The following PLPPR1 variants were observed in gnomAD, a reference collection of about 807,000 sequenced individuals.
PLPPR1 encodes phospholipid phosphatase-related protein type 1.
Under a neutral mutation model 33.1 loss-of-function variants are expected in PLPPR1, and 10 were observed. The ratio of observed to expected loss-of-function variants is 0.30; its 90% CI spans 0.19 to 0.51. The LOEUF is 0.51. PLPPR1 is among the 20% of genes least tolerant of loss of function. The probability of loss-of-function intolerance (pLI) is 0.97; values close to 1 mark genes in which losing one functional copy is unlikely to be tolerated. For missense variants in PLPPR1, 304 were observed against 408.1 expected (o/e 0.74, Z 2.20); for synonymous variants, 151 against 151.0 (o/e 1.00, Z 0.00).
chr9:101,076,468 A>T (rs1328901768), intron 1 of PLPPR1, among the ~76,000 whole-genome samples: 1 of 152,102 alleles, frequency 6.6e-6, no homozygotes. Context: ...GCTGAGCTCT[A>T]TTTGCTTTTA....
chr9:101,252,946 C>G (rs1250549545), intron 2 of PLPPR1, among the ~76,000 whole-genome samples: 1 of 151,852 alleles, frequency 6.6e-6, no homozygotes, highest in Non-Finnish European at 1.5e-5. Context: ...TTTTCATTAC[C>G]TAAGTCCCTA....
At chr9:101,048,805 A>G (rs565925911) in intron 1 of PLPPR1, among the ~76,000 whole-genome samples, 1 of 152,376 alleles carries the variant, frequency 6.6e-6, no homozygotes, top group African/African-American at 2.4e-5. Flanking sequence ...ACTAGTACCC[A>G]TAGGCAATGA....
chr9:101,099,286 C>A lies in PLPPR1; in HGVS notation c.-46+70184C>A, dbSNP rs56362735. Among the ~76,000 whole-genome samples the A allele has an allele frequency of 4.0e-3, 607 of 152,248 alleles. 3 individuals are homozygous for A. The highest frequency in any genetic ancestry group is 0.013 in the African/African-American group (552 of 41,546). Reference sequence around the variant, plus strand: ...TTCTAATGTCCCTCCTAGCCCAGCACTGTTTGTCTGCGTCTGTTTCCCTTT... The same window carrying A: ...TTCTAATGTCCCTCCTAGCCCAGCAATGTTTGTCTGCGTCTGTTTCCCTTT... On this transcript the variant is annotated intron_variant, in intron 1 of 7. Coordinates refer to ENST00000374874, the MANE Select transcript of PLPPR1 (RefSeq NM_207299.2).
intron 2 of PLPPR1, among the ~76,000 whole-genome samples, chr9:101,207,641 G>A (rs72741474): frequency 0.04 from 6,079 of 152,166 alleles, 119 homozygotes; most frequent in Middle Eastern, 0.068. Context: ...CCCATTCACC[G>A]TGGAAAACAA....
At position 101,042,539 on chromosome 9, in the gene PLPPR1, T is replaced by C. The variant is rs1449069797; in HGVS notation, c.-46+13437T>C. Among the ~76,000 whole-genome samples the C allele has an allele frequency of 1.1e-4, 17 of 152,296 alleles. 1 individual carries two copies. In the South Asian group the frequency reaches 3.3e-3, roughly 30 times the overall value. ...ACACCATCCTGATAATAATGATGGGTTACCTGCCAAGGTAGATTCACCTTT... is the reference window on the plus strand; with the variant it reads ...ACACCATCCTGATAATAATGATGGGCTACCTGCCAAGGTAGATTCACCTTT... On this transcript the variant is annotated intron_variant, in intron 1 of 7. Coordinates refer to ENST00000374874, the MANE Select transcript of PLPPR1 (RefSeq NM_207299.2).
chr9:101,298,558 A>G (rs988627359), intron 4 of PLPPR1, among the ~76,000 whole-genome samples: 1 of 152,220 alleles, frequency 6.6e-6, no homozygotes, highest in African/African-American at 2.4e-5. Flanking sequence ...GTACTTTATC[A>G]GAAAAAGACT....
intron 1 of PLPPR1, among the ~76,000 whole-genome samples, chr9:101,111,302 G>A (rs1831053139): frequency 6.6e-6 from 1 of 152,128 alleles, no homozygotes; most frequent in African/African-American, 2.4e-5. Context: ...TTCCTGCTAA[G>A]GGTAAATCAA....
chr9:101,218,749 T>C (rs1826859537), intron 2 of PLPPR1, among the ~76,000 whole-genome samples: 1 of 152,206 alleles, frequency 6.6e-6, no homozygotes. Context: ...TTTTAAAATG[T>C]AATGATTAAG....
intron 1 of PLPPR1, among the ~76,000 whole-genome samples, chr9:101,070,255 T>TAG (rs1313226088): frequency 6.6e-6 from 1 of 152,120 alleles, no homozygotes; most frequent in African/African-American, 2.4e-5. Flanking sequence ...CCTCATTTAT[T>TAG]TACTTAGTCA....
intron 1 of PLPPR1, among the ~76,000 whole-genome samples, chr9:101,089,153 T>C (rs999397243): frequency 2.0e-5 from 3 of 152,150 alleles, no homozygotes; most frequent in African/African-American, 7.2e-5. Context: ...TAATATGTGT[T>C]AAATCAGTTT....
intron 1 of PLPPR1, among the ~76,000 whole-genome samples, chr9:101,130,608 C>A (rs1434038521): frequency 6.6e-6 from 1 of 152,128 alleles, no homozygotes; most frequent in Non-Finnish European, 1.5e-5. Context: ...GATTTTAATT[C>A]TGCTGATTCC....
At chr9:101,148,832 TTTTCCCA>T (rs1831550766) in intron 1 of PLPPR1, among the ~76,000 whole-genome samples, 1 of 152,080 alleles carries the variant, frequency 6.6e-6, no homozygotes, top group African/African-American at 2.4e-5. Flanking sequence ...TATTTAGAAT[TTTTCCCA>T]TTTCTTTGCC....
At chr9:101,208,848 C>T (rs1826634884) in intron 2 of PLPPR1, among the ~76,000 whole-genome samples, 1 of 152,158 alleles carries the variant, frequency 6.6e-6, no homozygotes, top group South Asian at 2.1e-4. Flanking sequence ...TTTAGTGCTT[C>T]CCACCTTTGG....
intron 4 of PLPPR1, among the ~76,000 whole-genome samples, chr9:101,299,178 C>T (rs7470382): frequency 2.6e-5 from 4 of 152,170 alleles, no homozygotes; most frequent in East Asian, 1.9e-4. Flanking sequence ...CAACAGGAAC[C>T]GTAGTTGAAG....
intron 1 of PLPPR1, among the ~76,000 whole-genome samples, chr9:101,029,899 A>G (rs1829922267): frequency 6.6e-6 from 1 of 152,188 alleles, no homozygotes; most frequent in Non-Finnish European, 1.5e-5. Context: ...ACGGGGCTTT[A>G]TCCTCTCCCA....
intron 1 of PLPPR1, among the ~76,000 whole-genome samples, chr9:101,124,909 C>T (rs903946864): frequency 6.6e-6 from 1 of 152,218 alleles, no homozygotes; most frequent in African/African-American, 2.4e-5. Flanking sequence ...CCGCAGAAAC[C>T]AATGCATCCA....
At chr9:101,149,223 A>G (rs1831554775) in intron 1 of PLPPR1, among the ~76,000 whole-genome samples, 1 of 152,216 alleles carries the variant, frequency 6.6e-6, no homozygotes, top group Non-Finnish European at 1.5e-5. Flanking sequence ...AACTCTATAC[A>G]TTACACATCC....
intron 2 of PLPPR1, among the ~76,000 whole-genome samples, chr9:101,220,098 T>C (rs889114674): frequency 6.6e-6 from 1 of 152,194 alleles, no homozygotes; most frequent in Non-Finnish European, 1.5e-5. Context: ...TATGGGAGGT[T>C]GCATTGTGCA....
intron 2 of PLPPR1, among the ~76,000 whole-genome samples, chr9:101,209,354 T>C (rs7028551): frequency 0.041 from 6,183 of 152,342 alleles, 381 homozygotes; most frequent in African/African-American, 0.14. Flanking sequence ...TTTTCCCGTC[T>C]GGCAGATATG....
Sources: gnomAD v4.1 joint callset for allele counts (sites outside exome capture counted in the v4.1 genomes callset) on GRCh38, gnomAD v4.1.1 for gene constraint, MANE v1.5 for transcripts, NCBI Gene and HGNC (gene_info 2026-07-23, HGNC 2026-07-21) for gene names.